The following USP34 variants were observed in gnomAD, a reference collection of about 807,000 sequenced individuals.
USP34 encodes ubiquitin specific peptidase 34.
Under a neutral mutation model 460.3 loss-of-function variants are expected in USP34, and 70 were observed. The observed-to-expected ratio is 0.15, with a 90% CI of 0.13 to 0.19. The LOEUF (loss-of-function observed/expected upper bound fraction) is 0.19, where lower values mean the gene tolerates loss of function less well. Among genes scored for constraint, USP34 ranks in the 10% least tolerant of loss-of-function variants. USP34 has a pLI of 1.00. For missense variants in USP34, 3,985 were observed against 4,236.2 expected (o/e 0.94, Z 1.65); for synonymous variants, 1,647 against 1,405.3 (o/e 1.17, Z -3.85).
intron 1 of USP34, among the ~76,000 whole-genome samples, chr2:61,449,726 T>C (rs1695215385): frequency 6.6e-6 from 1 of 152,082 alleles, no homozygotes; most frequent in African/African-American, 2.4e-5. Flanking sequence ...AAAGAATAGA[T>C]TTTTCTAAAA....
Position 61,376,398 on chromosome 2 carries a change from G to A in USP34, c.1076+1965C>T, listed in dbSNP as rs566152798. Among the ~76,000 whole-genome samples the A allele has an allele frequency of 4.6e-5, 7 of 152,256 alleles. No individual in the cohort carries two copies. The East Asian group carries it at 1.4e-3, about 29-fold the overall frequency. On this transcript the variant is annotated intron_variant, in intron 8 of 79. Coordinates refer to ENST00000398571, the MANE Select transcript of USP34 (RefSeq NM_014709.4). Reference sequence around the variant, plus strand: ...ATTCTCTTAAACATGTCTTTGGGATGTATATTCCTTGCATTTGTTATTGGA... The same window carrying A: ...ATTCTCTTAAACATGTCTTTGGGATATATATTCCTTGCATTTGTTATTGGA...
chr2:61,223,449 T>C, intron 62 of USP34, 153 bp from the exon 63 acceptor site: 2 of 764,276 alleles, frequency 2.6e-6, no homozygotes, highest in Non-Finnish European at 4.1e-6. Context: ...GCTTGCTAAA[T>C]GTCTTTTGGG....
chr2:61,349,516 A>G (rs1691877647), intron 12 of USP34, among the ~76,000 whole-genome samples: 1 of 152,138 alleles, frequency 6.6e-6, no homozygotes, highest in Admixed American at 6.6e-5. Flanking sequence ...CTAATGTTTC[A>G]GAAAGCCCTT....
chr2:61,223,061 T>C lies in USP34; in HGVS notation c.7748A>G (p.His2583Arg). The C allele has an allele frequency of 6.2e-7, 1 of 1,610,972 alleles. No individual in the cohort carries two copies. The highest frequency in any genetic ancestry group is 8.5e-7 in the Non-Finnish European group (1 of 1,177,680). Residue 2583 changes from histidine (H) to arginine (R), a missense_variant and splice_region_variant, in exon 64 of 80, where the codon CAT becomes CGT. His to Arg is a conservative substitution (Grantham distance 29). This residue lies in a region of USP34 where 604 missense variants were observed against 684.8 expected (regional missense o/e 0.88). Transcript: ENST00000398571. ...LCRYNNRLAE[H>R]IVSMLFTSIA... ...TTAAGACTGTTCCTTAGCACTTACA[T>C]GTTCTGCAAGTCGATTATTGTATCG...
intron 15 of USP34, among the ~76,000 whole-genome samples, chr2:61,347,639 G>C (rs913821863): frequency 6.6e-6 from 1 of 152,172 alleles, no homozygotes; most frequent in African/African-American, 2.4e-5. Flanking sequence ...CTCCCAAAGT[G>C]CTGGGATTAT....
At chr2:61,377,407 G>GA (rs1406355794) in intron 8 of USP34, among the ~76,000 whole-genome samples, 5 of 151,846 alleles carry the variant, frequency 3.3e-5, no homozygotes, top group Non-Finnish European at 7.4e-5. Flanking sequence ...CAATTAAATG[G>GA]AATACATATA....
chr2:61,439,583 C>A (rs997434494), intron 1 of USP34, among the ~76,000 whole-genome samples: 1 of 152,186 alleles, frequency 6.6e-6, no homozygotes, highest in African/African-American at 2.4e-5. Context: ...TCACCACAAG[C>A]AGCTGTGGGT....
At chr2:61,301,895 CTTG>C (rs1442057076) in intron 27 of USP34, among the ~76,000 whole-genome samples, 2 of 151,402 alleles carry the variant, frequency 1.3e-5, no homozygotes, top group Non-Finnish European at 2.9e-5. Flanking sequence ...CTTTAAAGCA[CTTG>C]TTAACACCTC....
intron 27 of USP34, among the ~76,000 whole-genome samples, 159 bp from the exon 28 acceptor site, chr2:61,301,613 T>C (rs1045718512): frequency 1.3e-5 from 2 of 152,246 alleles, no homozygotes; most frequent in African/African-American, 2.4e-5. Flanking sequence ...TAGTTATTTC[T>C]AGAATGCATT....
intron 5 of USP34, among the ~76,000 whole-genome samples, chr2:61,383,565 T>C (rs1693041326): frequency 6.6e-6 from 1 of 152,010 alleles, no homozygotes; most frequent in Non-Finnish European, 1.5e-5. Flanking sequence ...TAGCCGGGCA[T>C]GGTGGCGCGC....
intron 26 of USP34, 39 bp downstream of exon 26, chr2:61,311,745 G>A (rs753446961): frequency 3.1e-6 from 5 of 1,609,958 alleles, no homozygotes; most frequent in Middle Eastern, 1.7e-4. Context: ...TTTGACCTGG[G>A]AAATGTTATC....
rs1047684824 is a variant in USP34 at position 61,339,332 on chromosome 2, T to A, written c.2744+19A>T. The A allele has an allele frequency of 2.5e-6, 4 of 1,597,864 alleles. No homozygotes were observed. The highest frequency in any genetic ancestry group is 3.5e-5 in the Admixed American group (2 of 56,468). On this transcript the variant is annotated intron_variant, in intron 18 of 79. Coordinates refer to ENST00000398571, the MANE Select transcript of USP34 (RefSeq NM_014709.4). ...AATACTTTGACTACTGCATTAAAAA[T>A]TTTTAAATTCCTCTTTACCTGTTGT... is the stretch of plus-strand genomic sequence containing the variant.
At chr2:61,466,790 T>C (rs753921275) in intron 1 of USP34, among the ~76,000 whole-genome samples, 7 of 151,574 alleles carry the variant, frequency 4.6e-5, no homozygotes, top group Non-Finnish European at 8.8e-5. Flanking sequence ...CGGGTGCCTG[T>C]AGTCTCAGTT....
intron 62 of USP34, among the ~76,000 whole-genome samples, chr2:61,225,865 G>A (rs570636006): frequency 6.6e-6 from 1 of 152,286 alleles, no homozygotes; most frequent in African/African-American, 2.4e-5. Context: ...AATGAAATGT[G>A]TCTAACACGT....
At chr2:61,386,512 C>T (rs1016510687) in intron 5 of USP34, among the ~76,000 whole-genome samples, 2 of 152,076 alleles carry the variant, frequency 1.3e-5, no homozygotes, top group African/African-American at 2.4e-5. Flanking sequence ...CAACTTTGGC[C>T]GGGCACGGTG....
chr2:61,326,175 G>A (rs1405745407), intron 20 of USP34, among the ~76,000 whole-genome samples: 4 of 151,866 alleles, frequency 2.6e-5, no homozygotes, highest in Admixed American at 6.6e-5. Context: ...TGGGGTGGAG[G>A]TAATCATCAG....
At chr2:61,200,283 G>A (rs1044192477) in intron 75 of USP34, 9 of 152,334 alleles carry the variant, frequency 5.9e-5, no homozygotes, top group African/African-American at 2.2e-4. Flanking sequence ...CTGTTTTTAA[G>A]TATCAAAATA....
chr2:61,235,501 T>C (rs1311044303), intron 57 of USP34, among the ~76,000 whole-genome samples: 1 of 151,986 alleles, frequency 6.6e-6, no homozygotes, highest in Non-Finnish European at 1.5e-5. Flanking sequence ...AATTTTTGTA[T>C]TTTTAGTAGA....
intron 8 of USP34, among the ~76,000 whole-genome samples, chr2:61,375,555 G>A (rs1692767143): frequency 6.6e-6 from 1 of 152,040 alleles, no homozygotes; most frequent in Non-Finnish European, 1.5e-5. Context: ...GGATCACGAG[G>A]TCAGGAGATC....
Sources: allele counts gnomAD v4.1 joint callset (sites outside exome capture counted in the v4.1 genomes callset), GRCh38; gene constraint gnomAD v4.1.1; regional missense constraint gnomAD v4.1.1; transcripts MANE v1.5; gene names NCBI Gene and HGNC (gene_info 2026-07-23, HGNC 2026-07-21).